Variants in MCC observed in about 807,000 individuals in gnomAD.
MCC encodes the protein MCC regulator of Wnt signaling pathway, also known as colorectal mutant cancer protein.
Under a neutral mutation model 116.2 loss-of-function variants are expected in MCC, and 90 were observed. The observed-to-expected ratio is 0.77, with a 90% confidence interval of 0.65 to 0.92. MCC has a LOEUF of 0.92. MCC is among the 40% of genes least tolerant of loss of function. The pLI is 0.00. For synonymous variants in MCC, 578 were observed against 510.5 expected, an observed-to-expected ratio of 1.13 and a Z score of -1.78; for missense variants, 1,516 against 1,312.2, an observed-to-expected ratio of 1.16 and a Z score of -2.40.
intron 3 of MCC, among the ~76,000 whole-genome samples, chr5:113,301,540 T>C (rs1400459205): frequency 6.6e-6 from 1 of 151,356 alleles, no homozygotes; most frequent in African/African-American, 2.4e-5. Flanking sequence ...GAAAAAAAGA[T>C]AGTTGTAGTT....
chr5:113,403,878 T>C (rs1769759138), intron 1 of MCC, among the ~76,000 whole-genome samples: 1 of 152,142 alleles, frequency 6.6e-6, no homozygotes, highest in Non-Finnish European at 1.5e-5. Context: ...CTTTTTTTCT[T>C]TTTTTGAGAC....
chr5:113,448,184 C>T (rs1771276600), intron 1 of MCC: 1 of 152,202 alleles, frequency 6.6e-6, no homozygotes, highest in African/African-American at 2.4e-5. Context: ...TGACAAGATT[C>T]AGAGCTCTTT....
intron 1 of MCC, among the ~76,000 whole-genome samples, chr5:113,450,610 G>A (rs1222652002): frequency 1.3e-5 from 2 of 152,236 alleles, no homozygotes; most frequent in Non-Finnish European, 2.9e-5. Context: ...TATGCTACAT[G>A]TAGAAATGCT....
intron 3 of MCC, among the ~76,000 whole-genome samples, chr5:113,332,069 C>T (rs1767709877): frequency 6.6e-6 from 1 of 151,664 alleles, no homozygotes; most frequent in Non-Finnish European, 1.5e-5. Context: ...AAAAAGTGAT[C>T]AGTAAATATT....
intron 1 of MCC, among the ~76,000 whole-genome samples, chr5:113,423,441 G>A (rs1245893291): frequency 6.6e-6 from 1 of 152,140 alleles, no homozygotes; most frequent in African/African-American, 2.4e-5. Context: ...CTAACCCTGT[G>A]TTTCCCCTAG....
chr5:113,168,634 T>C (rs995925572), intron 3 of MCC, among the ~76,000 whole-genome samples: 63 of 152,238 alleles, frequency 4.1e-4, no homozygotes, highest in African/African-American at 1.5e-3. Context: ...CACAAAACCC[T>C]TGTGGTTTAC....
At chr5:113,069,749 C>CT (rs991950267) in intron 12 of MCC, among the ~76,000 whole-genome samples, 72 of 149,776 alleles carry the variant, frequency 4.8e-4, no homozygotes, top group African/African-American at 1.5e-3. Context: ...GCCTGGCTAA[C>CT]TTTTTTTTTT....
chr5:113,141,089 C>A (rs1274812171), intron 5 of MCC, among the ~76,000 whole-genome samples: 1 of 151,906 alleles, frequency 6.6e-6, no homozygotes, highest in Non-Finnish European at 1.5e-5. Context: ...CTGGATAGAA[C>A]AAAAAAGGAA....
chr5:113,400,247 C>T (rs1343939700), intron 1 of MCC, among the ~76,000 whole-genome samples: 5 of 150,764 alleles, frequency 3.3e-5, no homozygotes, highest in East Asian at 3.9e-4. Flanking sequence ...CTCAGCCTCC[C>T]GAGTAGCTGG....
chr5:113,036,253 G>C lies in MCC; in HGVS notation c.2757-7197C>G, dbSNP rs187694140. On this transcript the variant is annotated intron_variant, in intron 17 of 18. Coordinates refer to ENST00000408903, the MANE Select transcript of MCC (RefSeq NM_001085377.2). The stretch of plus-strand genomic sequence containing the variant: ...GGGTTTCACCATGTTGGCCAGGCCA[G>C]TCTTGAATTCCTAATTTCAGGTGAT... Among the ~76,000 whole-genome samples the C allele has an allele frequency of 2.6e-4, 39 of 152,196 alleles. No individual in the cohort carries two copies. In the East Asian group the frequency reaches 6.6e-3, roughly 26 times the overall value.
intron 1 of MCC, among the ~76,000 whole-genome samples, chr5:113,408,905 T>C (rs989695707): frequency 2.0e-5 from 3 of 152,224 alleles, no homozygotes; most frequent in Non-Finnish European, 4.4e-5. Context: ...CTGTTTCATA[T>C]ATAAGGCTAC....
chr5:113,397,259 C>T (rs959207073), intron 1 of MCC, among the ~76,000 whole-genome samples: 17 of 152,160 alleles, frequency 1.1e-4, no homozygotes, highest in South Asian at 4.1e-4. Flanking sequence ...TCTTAAAGCA[C>T]TCACCAAGTC....
intron 3 of MCC, among the ~76,000 whole-genome samples, chr5:113,318,642 A>G (rs540099564): frequency 1.1e-4 from 16 of 152,136 alleles, no homozygotes; most frequent in African/African-American, 3.1e-4. Context: ...AGAACATATG[A>G]ATACATAGAG....
At chr5:113,235,805 G>T (rs1050811935) in intron 3 of MCC, among the ~76,000 whole-genome samples, 3 of 152,186 alleles carry the variant, frequency 2.0e-5, no homozygotes, top group Non-Finnish European at 4.4e-5. Context: ...TTTTGAGGGG[G>T]TATTCTTTCA....
chr5:113,327,561 A>AAAAAAAAAAAAT (rs1480996383), intron 3 of MCC, among the ~76,000 whole-genome samples: 3 of 80,584 alleles, frequency 3.7e-5, no homozygotes, highest in Non-Finnish European at 7.4e-5. Context: ...AAAAAAAAAA[A>AAAAAAAAAAAAT]ATATATATAT....
chr5:113,396,623 A>G (rs1769532296), intron 1 of MCC, among the ~76,000 whole-genome samples: 1 of 152,146 alleles, frequency 6.6e-6, no homozygotes, highest in Admixed American at 6.6e-5. Context: ...GTGACAAACC[A>G]TATTGTGGTC....
intron 5 of MCC, among the ~76,000 whole-genome samples, chr5:113,123,655 TAC>T (rs1286878401): frequency 6.6e-6 from 1 of 152,158 alleles, no homozygotes; most frequent in African/African-American, 2.4e-5. Flanking sequence ...AGAGCACGTG[TAC>T]TGTCCCCTTC....
intron 6 of MCC, among the ~76,000 whole-genome samples, chr5:113,112,816 G>C (rs1757176323): frequency 6.6e-6 from 1 of 152,192 alleles, no homozygotes; most frequent in South Asian, 2.1e-4. Flanking sequence ...ATAAATGGAA[G>C]ACTTTTTATA....
At chr5:113,345,482 G>A (rs1453263017) in intron 2 of MCC, among the ~76,000 whole-genome samples, 1 of 152,228 alleles carries the variant, frequency 6.6e-6, no homozygotes, top group Non-Finnish European at 1.5e-5. Context: ...CAGACTTCAG[G>A]TCCGACTCAG....
Sources: allele counts gnomAD v4.1 joint callset (sites outside exome capture counted in the v4.1 genomes callset), GRCh38; gene constraint gnomAD v4.1.1; transcripts MANE v1.5; gene names NCBI Gene and HGNC (gene_info 2026-07-23, HGNC 2026-07-21).